Variants in CTIF observed in about 807,000 individuals in gnomAD.
CTIF encodes cap binding complex dependent translation initiation factor.
CTIF carries 21 observed loss-of-function variants against 66.0 expected under a neutral mutation model. The observed-to-expected ratio is 0.32, with a 90% CI of 0.23 to 0.46. The LOEUF is 0.46. CTIF is among the 20% of genes least tolerant of loss of function. The pLI, the probability that CTIF is intolerant of heterozygous loss-of-function variation, is 1.00. For missense variants in CTIF, 739 were observed against 812.7 expected (o/e 0.91, Z 1.10); for synonymous variants, 345 against 326.4 (o/e 1.06, Z -0.62).
chr18:48,759,723 T>C (rs535039913), intron 8 of CTIF, among the ~76,000 whole-genome samples: 1 of 152,360 alleles, frequency 6.6e-6, no homozygotes, highest in East Asian at 1.9e-4. Flanking sequence ...GATATGTTCT[T>C]GTGGGTATTC....
chr18:48,666,016 G>A (rs1030685601), intron 5 of CTIF, among the ~76,000 whole-genome samples: 1 of 152,168 alleles, frequency 6.6e-6, no homozygotes, highest in Admixed American at 6.5e-5. Context: ...TGAACTCTTT[G>A]AGGAGCTGTC....
intron 2 of CTIF, among the ~76,000 whole-genome samples, chr18:48,630,609 T>A (rs1030667536): frequency 1.3e-5 from 2 of 152,238 alleles, no homozygotes; most frequent in South Asian, 4.1e-4. Context: ...GTTTTATCAG[T>A]TGATCTGCTC....
At chr18:48,625,149 C>T (rs2090571357) in intron 2 of CTIF, 4 of 907,986 alleles carry the variant, frequency 4.4e-6, no homozygotes, top group African/African-American at 1.8e-5. Context: ...TCATTTCCTT[C>T]TGCCCTTAAA....
At chr18:48,548,641 T>G (rs1053172082) in intron 1 of CTIF, among the ~76,000 whole-genome samples, 1 of 152,264 alleles carries the variant, frequency 6.6e-6, no homozygotes, top group Non-Finnish European at 1.5e-5. Flanking sequence ...TGAAGGACCC[T>G]GTGCAGACAA....
intron 3 of CTIF, among the ~76,000 whole-genome samples, chr18:48,644,075 T>C (rs2090982527): frequency 6.6e-6 from 1 of 152,200 alleles, no homozygotes; most frequent in Non-Finnish European, 1.5e-5. Context: ...CTCTTTTGCT[T>C]GTGTCTTTTG....
chr18:48,597,529 A>G (rs911120480), intron 1 of CTIF, among the ~76,000 whole-genome samples: 2 of 152,004 alleles, frequency 1.3e-5, no homozygotes, highest in African/African-American at 2.4e-5. Context: ...AGTTCACGTG[A>G]GACCTGGTTT....
At chr18:48,841,775 C>T (rs2068949219) in intron 10 of CTIF, among the ~76,000 whole-genome samples, 1 of 151,938 alleles carries the variant, frequency 6.6e-6, no homozygotes, top group Non-Finnish European at 1.5e-5. Flanking sequence ...GGTCCCGCAC[C>T]TGGCTGATAA....
intron 9 of CTIF, among the ~76,000 whole-genome samples, chr18:48,772,532 T>TACAGCAATAACTCCCCTA (rs1335349127): frequency 2.6e-5 from 4 of 151,896 alleles, no homozygotes; most frequent in Non-Finnish European, 4.4e-5. Context: ...ATGCCTCCCC[T>TACAGCAATAACTCCCCTA]CCATCTTCCA....
At chr18:48,586,179 A>C (rs901922377) in intron 1 of CTIF, among the ~76,000 whole-genome samples, 2 of 152,166 alleles carry the variant, frequency 1.3e-5, no homozygotes, top group African/African-American at 4.8e-5. Context: ...CAAATTGCCC[A>C]GCAGAAGATA....
intron 7 of CTIF, among the ~76,000 whole-genome samples, chr18:48,731,270 C>T (rs1468439364): frequency 6.6e-6 from 1 of 152,128 alleles, no homozygotes; most frequent in Admixed American, 6.5e-5. Flanking sequence ...ACCACCAGGA[C>T]CCCCAAGAGC....
At position 48,621,120 on chromosome 18, in the gene CTIF, C is replaced by T. The variant is rs143831495; in HGVS notation, c.180+1375C>T. Among the ~76,000 whole-genome samples, 8 of 152,186 alleles carry T rather than the reference C, an allele frequency of 5.3e-5. No homozygotes were observed. The East Asian group carries it at 9.6e-4, about 18-fold the overall frequency. ...CTGTGCCAGGCACTATTCTAGGACT[C>T]GTATCTAGGATTGAGCAAAAAAGCC... On this transcript the variant is annotated intron_variant, in intron 2 of 11. Coordinates refer to ENST00000256413, the MANE Select transcript of CTIF (RefSeq NM_014772.3).
intron 9 of CTIF, among the ~76,000 whole-genome samples, chr18:48,812,759 A>T (rs1599093443): frequency 1.3e-5 from 2 of 152,032 alleles, no homozygotes; most frequent in East Asian, 3.9e-4. Flanking sequence ...GTCTCAAAAA[A>T]AAAAAAAAAA....
chr18:48,807,815 C>T (rs1397517985), intron 9 of CTIF, among the ~76,000 whole-genome samples: 1 of 152,120 alleles, frequency 6.6e-6, no homozygotes, highest in Non-Finnish European at 1.5e-5. Flanking sequence ...CTCCTGGCCT[C>T]AGATGATCTG....
intron 2 of CTIF, chr18:48,621,520 T>G (rs1364091505): frequency 2.8e-6 from 1 of 361,160 alleles, no homozygotes; most frequent in African/African-American, 2.3e-5. Context: ...GAAGAAAGAA[T>G]GTGAGGAGAA....
In CTIF at chr18:48,851,831, T is replaced by C. The variant is rs529922540; in HGVS notation, c.1528-5757T>C. ...TGGAGTTTCATTCCCACCAGATACT[T>C]ACCTTCCCCCTTTCCTGTGATTTCT... is the stretch of plus-strand genomic sequence containing the variant. On this transcript the variant is annotated intron_variant, in intron 10 of 11. Coordinates refer to ENST00000256413, the MANE Select transcript of CTIF (RefSeq NM_014772.3). Among the ~76,000 whole-genome samples the C allele has an allele frequency of 4.6e-5, 7 of 152,326 alleles. No individual in the cohort carries two copies. The East Asian group carries it at 1.2e-3, about 25-fold the overall frequency.
At chr18:48,699,848 G>GT (rs1568147370) in intron 6 of CTIF, among the ~76,000 whole-genome samples, 1 of 152,240 alleles carries the variant, frequency 6.6e-6, no homozygotes. Flanking sequence ...AGCTCCTGCG[G>GT]TAAGTGGCAG....
intron 6 of CTIF, among the ~76,000 whole-genome samples, chr18:48,705,971 G>C (rs1598901844): frequency 6.6e-6 from 1 of 152,350 alleles, no homozygotes; most frequent in African/African-American, 2.4e-5. Context: ...GCCTGGGACA[G>C]AGTCTTATTC....
intron 6 of CTIF, among the ~76,000 whole-genome samples, chr18:48,689,541 G>T (rs1374014619): frequency 6.6e-6 from 1 of 152,182 alleles, no homozygotes; most frequent in African/African-American, 2.4e-5. Context: ...AGCCAAGAAG[G>T]CAAGTTTCCT....
At position 48,859,395 on chromosome 18, in the gene CTIF, G is replaced by A; in HGVS notation, c.1633G>A (p.Glu545Lys). 6.2e-7 allele frequency: 1 copy of A among 1,614,146 alleles called. No individual in the cohort carries two copies. Among genetic ancestry groups the A allele is most frequent in the Non-Finnish European group, 8.5e-7 (1 of 1,180,040 alleles). Reference protein sequence around the residue: ...LEEQLPEMMTELLASARDKML... With the variant: ...LEEQLPEMMTKLLASARDKML... ...GGAACAGCTGCCTGAGATGATGACA[G>A]AGCTCCTGGCCAGCGCACGGGACAA... The change falls in exon 12 of 12, where the codon GAG (glutamate) becomes AAG (lysine). Residue 545 changes from glutamate (E) to lysine (K), a missense_variant. Transcript: ENST00000256413.
Sources: allele counts gnomAD v4.1 joint callset (sites outside exome capture counted in the v4.1 genomes callset), GRCh38; gene constraint gnomAD v4.1.1; transcripts MANE v1.5; gene names NCBI Gene and HGNC (gene_info 2026-07-23, HGNC 2026-07-21).